The following LNX1 variants were observed in gnomAD, a reference collection of about 807,000 sequenced individuals.
LNX1 encodes the protein E3 ubiquitin-protein ligase LNX.
In LNX1, 54 loss-of-function variants were observed where a neutral mutation model predicts 68.4. The observed-to-expected ratio is 0.79, with a 90% CI of 0.63 to 0.99. The LOEUF (loss-of-function observed/expected upper bound fraction) is 0.99, where lower values mean the gene tolerates loss of function less well. Ranked by LOEUF, LNX1 falls within the 50% of genes least tolerant of loss-of-function variation. LNX1 has a pLI of 0.00. For synonymous variants in LNX1, 336 were observed against 350.0 expected (o/e 0.96, Z 0.45); for missense variants, 906 against 926.4 (o/e 0.98, Z 0.29).
intron 6 of LNX1, 112 bp downstream of exon 6, chr4:53,495,911 G>T (rs1440033612): frequency 2.4e-6 from 3 of 1,257,620 alleles, no homozygotes; most frequent in Non-Finnish European, 3.3e-6. Flanking sequence ...CCTTGAAAGG[G>T]AGGCACTGCA....
intron 2 of LNX1, among the ~76,000 whole-genome samples, chr4:53,600,866 G>A (rs1171921272): frequency 6.6e-6 from 1 of 150,508 alleles, no homozygotes; most frequent in Non-Finnish European, 1.5e-5. Context: ...GAGTAGCTGG[G>A]ATTACAGGTG....
At chr4:53,488,098 T>G (rs1352172206) in intron 6 of LNX1, among the ~76,000 whole-genome samples, 2 of 152,214 alleles carry the variant, frequency 1.3e-5, no homozygotes, top group African/African-American at 2.4e-5. Flanking sequence ...TCATCCAACA[T>G]TTTCTCTATA....
intron 9 of LNX1, among the ~76,000 whole-genome samples, chr4:53,475,425 A>C (rs1469366403): frequency 1.3e-5 from 2 of 152,238 alleles, no homozygotes; most frequent in Admixed American, 1.3e-4. Context: ...GATTTAGAAA[A>C]TAATTTATCA....
chr4:53,501,299 T>TTGGGGGG (rs56165716), intron 4 of LNX1, among the ~76,000 whole-genome samples: 401 of 38,616 alleles, frequency 0.01, 46 homozygotes, highest in Non-Finnish European at 0.02. Flanking sequence ...TTTTTTTTTT[T>TTGGGGGG]GGGGGTGGGG....
chr4:53,617,818 T>C (rs910790672), upstream of LNX1, among the ~76,000 whole-genome samples: 5 of 152,228 alleles, frequency 3.3e-5, no homozygotes, highest in Non-Finnish European at 7.3e-5. Context: ...GAATTATTTC[T>C]GATTGGATGA....
At chr4:53,575,589 T>C in intron 1 of LNX1, 1 of 1,280,716 alleles carries the variant, frequency 7.8e-7, no homozygotes, top group Non-Finnish European at 9.9e-7. Context: ...ACTTTCATGG[T>C]GATTAAGAAT....
intron 2 of LNX1, among the ~76,000 whole-genome samples, chr4:53,567,461 C>A (rs1468693292): frequency 1.3e-5 from 2 of 152,056 alleles, no homozygotes; most frequent in East Asian, 1.9e-4. Context: ...AACAAAGACA[C>A]AACATACCAG....
intron 2 of LNX1, among the ~76,000 whole-genome samples, chr4:53,562,711 A>G (rs1374924951): frequency 6.6e-6 from 1 of 152,222 alleles, no homozygotes; most frequent in Non-Finnish European, 1.5e-5. Flanking sequence ...TATTTGTACA[A>G]CGAGGTGATT....
chr4:53,470,909 T>TA (rs1182433026), intron 9 of LNX1, among the ~76,000 whole-genome samples: 1 of 151,974 alleles, frequency 6.6e-6, no homozygotes, highest in Non-Finnish European at 1.5e-5. Flanking sequence ...AAAATGGGCA[T>TA]ACTGCCCAAG....
intron 1 of LNX1, chr4:53,652,052 AG>A (rs1560708620): frequency 1.9e-4 from 28 of 147,762 alleles, no homozygotes; most frequent in African/African-American, 6.4e-4. Flanking sequence ...AGAGAGAGAG[AG>A]AGAGAGAGAC....
chr4:53,638,870 C>T (rs530675404), intron 1 of LNX1, among the ~76,000 whole-genome samples: 1 of 152,282 alleles, frequency 6.6e-6, no homozygotes, highest in South Asian at 2.1e-4. Flanking sequence ...AAAGGGGACA[C>T]TTATACACTA....
chr4:53,611,918 T>C (rs1462305958), intron 2 of LNX1, among the ~76,000 whole-genome samples: 1 of 152,164 alleles, frequency 6.6e-6, no homozygotes, highest in Non-Finnish European at 1.5e-5. Context: ...ACAGTATAAC[T>C]TTTCAGGCAG....
intron 2 of LNX1, among the ~76,000 whole-genome samples, chr4:53,566,428 C>G (rs1429637141): frequency 6.6e-6 from 1 of 151,942 alleles, no homozygotes; most frequent in Non-Finnish European, 1.5e-5. Flanking sequence ...AAAGAAAATA[C>G]TTTACAGACA....
chr4:53,565,346 C>A (rs1730590603), intron 2 of LNX1, among the ~76,000 whole-genome samples: 1 of 152,030 alleles, frequency 6.6e-6, no homozygotes, highest in Non-Finnish European at 1.5e-5. Context: ...GACCCCTGAC[C>A]CCCGAGCAGC....
intron 1 of LNX1, among the ~76,000 whole-genome samples, chr4:53,631,349 G>C (rs1734261965): frequency 1.3e-5 from 2 of 152,140 alleles, no homozygotes; most frequent in Admixed American, 1.3e-4. Flanking sequence ...CTTCCCTGTG[G>C]GCCTTCAGCA....
intron 2 of LNX1, among the ~76,000 whole-genome samples, chr4:53,555,373 TAAGCACTTC>T (rs541063288): frequency 1.6e-3 from 238 of 152,252 alleles, no homozygotes; most frequent in Admixed American, 4.2e-3. Context: ...CTCATTCCTC[TAAGCACTTC>T]AAGATCCAGC....
chr4:53,496,547 G>A (rs1725077428), intron 5 of LNX1, 153 bp from the exon 6 acceptor site: 26 of 926,604 alleles, frequency 2.8e-5, no homozygotes, highest in Non-Finnish European at 3.6e-5. Flanking sequence ...TTCCAACAGC[G>A]TTTCTAACCC....
At chr4:53,480,773 C>G (rs1723858972) in intron 7 of LNX1, among the ~76,000 whole-genome samples, 3 of 152,086 alleles carry the variant, frequency 2.0e-5, no homozygotes, top group Admixed American at 6.6e-5. Context: ...TATTGTTTCT[C>G]TATATATTAC....
At chr4:53,592,753 G>T (rs1422657841), upstream of LNX1, among the ~76,000 whole-genome samples, 2 of 152,124 alleles carry the variant, frequency 1.3e-5, no homozygotes, top group African/African-American at 4.8e-5. Flanking sequence ...GGGGGAGGGT[G>T]GAGGAAGAAG....
Sources: allele counts gnomAD v4.1 joint callset (sites outside exome capture counted in the v4.1 genomes callset), GRCh38; gene constraint gnomAD v4.1.1; transcripts MANE v1.5; gene names NCBI Gene and HGNC (gene_info 2026-07-23, HGNC 2026-07-21).